The following TPO variants were observed in gnomAD, a reference collection of about 807,000 sequenced individuals.
TPO encodes the protein thyroid microsomal antigen.
In TPO, 78 loss-of-function variants were observed where a neutral mutation model predicts 96.9. The ratio of observed to expected loss-of-function variants is 0.81; its 90% confidence interval spans 0.67 to 0.97. TPO has a LOEUF of 0.97. Ranked by LOEUF, TPO falls within the 50% of genes least tolerant of loss-of-function variation. The pLI is 0.00. For missense variants in TPO, 1,252 were observed against 1,274.8 expected, an observed-to-expected ratio of 0.98 and a Z score of 0.27; for synonymous variants, 547 against 538.0, an observed-to-expected ratio of 1.02 and a Z score of -0.23.
At position 1,434,535 on chromosome 2, in the gene TPO, C is replaced by CCACTGTCCTGTTACGGGA. The variant is rs1474514653; in HGVS notation, c.349+940_349+957dup. On this transcript the variant is annotated intron_variant, in intron 4 of 16. Transcript: ENST00000329066. ...AACGATGTTTCTAAGAACTCTCGGTCCACTGTCCTGTTACGGGACACTGTC... is the reference window on the plus strand; with the variant it reads ...AACGATGTTTCTAAGAACTCTCGGTCCACTGTCCTGTTACGGGACACTGTCCTGTTACGGGACACTGTC... Among the ~76,000 whole-genome samples, 14 of 152,300 alleles carry CCACTGTCCTGTTACGGGA rather than the reference C, an allele frequency of 9.2e-5. 1 individual carries two copies. The highest frequency in any genetic ancestry group is 3.1e-4 in the African/African-American group (13 of 41,562).
At chr2:1,398,903 T>C (rs1249508957) in intron 1 of TPO, among the ~76,000 whole-genome samples, 1 of 152,174 alleles carries the variant, frequency 6.6e-6, no homozygotes, top group Non-Finnish European at 1.5e-5. Flanking sequence ...ACCAAACTCC[T>C]TGAGCAGCCA....
At chr2:1,542,120 G>A (rs981840511) in intron 16 of TPO, 24 of 510,520 alleles carry the variant, frequency 4.7e-5, no homozygotes, top group South Asian at 1.4e-4. Flanking sequence ...ATCTGTGGTC[G>A]CAGGGACCTG....
intron 2 of TPO, among the ~76,000 whole-genome samples, chr2:1,416,445 T>C (rs1471572347): frequency 1.3e-5 from 2 of 152,240 alleles, no homozygotes; most frequent in African/African-American, 2.4e-5. Flanking sequence ...CTTTGTAACA[T>C]GTTTTTTAAT....
intron 14 of TPO, among the ~76,000 whole-genome samples, chr2:1,515,300 C>T (rs1165915292): frequency 1.3e-5 from 2 of 152,186 alleles, no homozygotes; most frequent in East Asian, 3.9e-4. Flanking sequence ...AGCGGCATCC[C>T]AGGGCCAGCA....
At chr2:1,384,658 CAG>C (rs1205852108) in intron 1 of TPO, among the ~76,000 whole-genome samples, 1 of 152,106 alleles carries the variant, frequency 6.6e-6, no homozygotes, top group African/African-American at 2.4e-5. Flanking sequence ...CATCTGCAAA[CAG>C]GGACAATTTG....
At chr2:1,535,219 TTCTGTGCAACCTCCCCAAATCCACCCCAC>T (rs1679325723) in intron 15 of TPO, among the ~76,000 whole-genome samples, 1 of 77,134 alleles carries the variant, frequency 1.3e-5, no homozygotes, top group Non-Finnish European at 2.4e-5. Flanking sequence ...TTTCCCCCCA[TTCTGTGCAACCTCCCCAAATCCACCCCAC>T]TCTGTGCAAC....
intron 1 of TPO, among the ~76,000 whole-genome samples, chr2:1,393,225 A>G (rs1662030892): frequency 6.6e-6 from 1 of 152,118 alleles, no homozygotes; most frequent in Non-Finnish European, 1.5e-5. Flanking sequence ...AGAGGAGAGG[A>G]GAGGGAGGTT....
chr2:1,511,996 G>C (rs1222290154), intron 14 of TPO, among the ~76,000 whole-genome samples: 3 of 152,038 alleles, frequency 2.0e-5, no homozygotes, highest in African/African-American at 7.2e-5. Flanking sequence ...TTTAGTTTTT[G>C]TCCTGAGAAC....
intron 15 of TPO, among the ~76,000 whole-genome samples, chr2:1,529,850 A>G (rs1322832985): frequency 9.6e-6 from 1 of 103,826 alleles, no homozygotes; most frequent in East Asian, 3.4e-4. Flanking sequence ...ACGCTGTGCA[A>G]CCTCCCAAAA....
At chr2:1,495,077 G>A (rs751469566) in intron 11 of TPO, among the ~76,000 whole-genome samples, 4 of 152,340 alleles carry the variant, frequency 2.6e-5, no homozygotes, top group Non-Finnish European at 5.9e-5. Context: ...TCTCCCATGC[G>A]TGTTTTATGC....
At chr2:1,524,602 A>G (rs1675997911) in intron 15 of TPO, among the ~76,000 whole-genome samples, 1 of 87,114 alleles carries the variant, frequency 1.1e-5, no homozygotes, top group South Asian at 4.4e-4. Context: ...ACCTCCTCAA[A>G]TCCGCTCACT....
At chr2:1,528,701 A>C (rs1677220872) in intron 15 of TPO, among the ~76,000 whole-genome samples, 1 of 103,408 alleles carries the variant, frequency 9.7e-6, no homozygotes, top group Non-Finnish European at 1.8e-5. Flanking sequence ...TACCTTGTGC[A>C]ACCTCCCCAA....
At chr2:1,503,160 C>T (rs1673044160) in intron 13 of TPO, among the ~76,000 whole-genome samples, 1 of 152,158 alleles carries the variant, frequency 6.6e-6, no homozygotes. Flanking sequence ...CTAGGGATGT[C>T]GTCAGCACCA....
intron 1 of TPO, among the ~76,000 whole-genome samples, chr2:1,401,283 C>T (rs1035756933): frequency 3.3e-5 from 5 of 152,108 alleles, no homozygotes; most frequent in African/African-American, 4.8e-5. Context: ...GGGCAGCACT[C>T]GGAAACAGAG....
chr2:1,449,665 C>T (rs768812070), intron 5 of TPO, among the ~76,000 whole-genome samples: 5 of 151,952 alleles, frequency 3.3e-5, no homozygotes, highest in African/African-American at 4.8e-5. Context: ...ATACCTTTGA[C>T]GTCAAATAAA....
chr2:1,466,768 C>G (rs1055578150), intron 7 of TPO, among the ~76,000 whole-genome samples: 1 of 152,118 alleles, frequency 6.6e-6, no homozygotes, highest in Non-Finnish European at 1.5e-5. Context: ...TGGATTTTCT[C>G]TTCTTTTCTT....
chr2:1,529,495 C>T lies in TPO; in HGVS notation c.2619-11099C>T, dbSNP rs1199258470. 5.3e-5 allele frequency among the ~76,000 whole-genome samples: 6 copies of T among 113,580 alleles called. No individual in the cohort carries two copies. The East Asian group carries it at 2.0e-3, about 38-fold the overall frequency. 74.5% of individuals were successfully genotyped at this position (113,580 alleles called of 152,430 possible). Reference sequence around the variant, plus strand: ...ATCCCCCCACTGTGAGCAACCTCCCCAAATCCCACTTGTTGCAACCTCCCC... The same window carrying T: ...ATCCCCCCACTGTGAGCAACCTCCCTAAATCCCACTTGTTGCAACCTCCCC... On this transcript the variant is annotated intron_variant, in intron 15 of 16. Transcript: ENST00000329066.
At chr2:1,504,328 T>A (rs894523950) in intron 14 of TPO, among the ~76,000 whole-genome samples, 1 of 152,078 alleles carries the variant, frequency 6.6e-6, no homozygotes, top group Non-Finnish European at 1.5e-5. Context: ...CCAGAATGCA[T>A]TGCCAGACAA....
intron 14 of TPO, 100 bp downstream of exon 14, chr2:1,504,179 T>A: frequency 6.3e-7 from 1 of 1,593,484 alleles, no homozygotes; most frequent in Non-Finnish European, 8.5e-7. Flanking sequence ...ACCATCTTGA[T>A]TGGGAAGGGC....
Sources: allele counts gnomAD v4.1 joint callset (sites outside exome capture counted in the v4.1 genomes callset), GRCh38; gene constraint gnomAD v4.1.1; transcripts MANE v1.5; gene names NCBI Gene and HGNC (gene_info 2026-07-23, HGNC 2026-07-21).